Variants in H2AZ2 observed in about 807,000 individuals in gnomAD.
The protein encoded by H2AZ2 is histone H2A.V.
H2AZ2 carries 5 observed loss-of-function variants against 15.5 expected under a neutral mutation model. The observed-to-expected ratio is 0.32, with a 90% CI of 0.17 to 0.68. H2AZ2 has a LOEUF of 0.68. Ranked by LOEUF, H2AZ2 falls within the 30% of genes least tolerant of loss-of-function variation. The pLI is 0.72. For missense variants in H2AZ2, 42 were observed against 162.5 expected (o/e 0.26, Z 4.03); for synonymous variants, 44 against 57.4 (o/e 0.77, Z 1.05).
intron 1 of H2AZ2, among the ~76,000 whole-genome samples, chr7:44,846,220 A>G (rs182795013): frequency 6.6e-6 from 1 of 152,324 alleles, no homozygotes; most frequent in East Asian, 1.9e-4. Context: ...CGACAACTCA[A>G]TGTCTCCTGC....
chr7:44,847,069 G>A (rs1793429639), intron 1 of H2AZ2, among the ~76,000 whole-genome samples: 1 of 152,182 alleles, frequency 6.6e-6, no homozygotes, highest in African/African-American at 2.4e-5. Context: ...TGACAGCTTG[G>A]TGCTAACTTT....
intron 3 of H2AZ2, among the ~76,000 whole-genome samples, chr7:44,837,844 T>G (rs1444760197): frequency 1.2e-4 from 3 of 25,298 alleles, no homozygotes; most frequent in Non-Finnish European, 2.2e-4. Context: ...GGGGGGGGGC[T>G]TAGATAGATG....
In H2AZ2 at chr7:44,840,992, G is replaced by A. The variant is rs751616035; in HGVS notation, c.102C>T (p.His34=). 3 of 1,614,010 alleles carry A rather than the reference G, an allele frequency of 1.9e-6. No homozygotes were observed. Among genetic ancestry groups the A allele is most frequent in the South Asian group, 2.2e-5 (2 of 91,068 alleles). Residue 34 remains histidine, a synonymous_variant, in exon 3 of 5, where the codon CAC becomes CAT. Coordinates refer to ENST00000308153, the MANE Select transcript of H2AZ2 (RefSeq NM_012412.5). ...TTGTGGTGCGAGTCTTCAAGTGTCT[G>A]TGGATGCGGCCCACAGGAAACTAAA... ...AGLQFPVGRI[H]RHLKTRTTSH...
At chr7:44,842,557 C>G (rs1351048038) in intron 2 of H2AZ2, among the ~76,000 whole-genome samples, 1 of 152,176 alleles carries the variant, frequency 6.6e-6, no homozygotes, top group Admixed American at 6.5e-5. Flanking sequence ...CACCTATTTT[C>G]TGCACACACA....
intron 3 of H2AZ2, among the ~76,000 whole-genome samples, chr7:44,837,833 G>C (rs1057170723): frequency 8.9e-5 from 4 of 44,940 alleles, no homozygotes; most frequent in East Asian, 5.6e-4. Context: ...TAAAAAAAAG[G>C]GGGGGGGGGC....
rs748469781 is a variant in H2AZ2, at chr7:44,841,020, A to C, written c.82-8T>G. On this transcript the variant is annotated splice_polypyrimidine_tract_variant and splice_region_variant and intron_variant, in intron 2 of 4. Transcript: ENST00000308153. Reference sequence around the variant, plus strand: ...GATGCGGCCCACAGGAAACTAAAAGAGAGATGTCTTAGTGGGAAGCACTGC... The same window carrying C: ...GATGCGGCCCACAGGAAACTAAAAGCGAGATGTCTTAGTGGGAAGCACTGC... 6 of 1,606,728 alleles carry C rather than the reference A, an allele frequency of 3.7e-6. No individual in the cohort carries two copies. The highest frequency in any genetic ancestry group is 5.1e-6 in the Non-Finnish European group (6 of 1,173,542).
intron 3 of H2AZ2, among the ~76,000 whole-genome samples, chr7:44,836,856 T>A (rs1001670462): frequency 6.7e-6 from 1 of 149,618 alleles, no homozygotes; most frequent in South Asian, 2.2e-4. Flanking sequence ...ATTAGCTGGG[T>A]GTGGTGGCAG....
intron 3 of H2AZ2, among the ~76,000 whole-genome samples, chr7:44,837,181 C>T (rs755117746): frequency 4.1e-4 from 62 of 151,846 alleles, no homozygotes; most frequent in Non-Finnish European, 3.4e-4. Context: ...GGATTACAGA[C>T]GTGAACCACT....
chr7:44,838,498 C>T (rs1330344290), intron 3 of H2AZ2, among the ~76,000 whole-genome samples: 5 of 151,818 alleles, frequency 3.3e-5, no homozygotes, highest in Non-Finnish European at 5.9e-5. Flanking sequence ...AAGAAAATAA[C>T]AAAAATTAGC....
rs1057170723 is a variant in H2AZ2, at chr7:44,837,833, G to T, written c.196-2175C>A. ...AAGTTCCCAAAGATTTAAAAAAAAG[G>T]GGGGGGGGGCTTAGATAGATGGGGC... is the stretch of plus-strand genomic sequence containing the variant. On this transcript the variant is annotated intron_variant, in intron 3 of 4. Coordinates refer to ENST00000308153, the MANE Select transcript of H2AZ2 (RefSeq NM_012412.5). Among the ~76,000 whole-genome samples, 16 of 44,992 alleles carry T rather than the reference G, an allele frequency of 3.6e-4. No homozygotes were observed. The South Asian group carries it at 8.4e-3, about 24-fold the overall frequency. The allele number at this position is 44,992 out of a possible 152,430, so 29.5% of individuals were successfully genotyped here. A position where few individuals can be genotyped will look rare whatever the true frequency, so the allele number is the denominator to read the frequency against.
downstream of H2AZ2, among the ~76,000 whole-genome samples, chr7:44,831,531 C>T (rs889316255): frequency 7.2e-6 from 1 of 138,844 alleles, no homozygotes; most frequent in African/African-American, 2.9e-5. Flanking sequence ...ATATTGCACT[C>T]CCCCCCCCGC....
intron 3 of H2AZ2, among the ~76,000 whole-genome samples, chr7:44,837,973 T>G (rs1250874111): frequency 6.6e-6 from 1 of 151,726 alleles, no homozygotes; most frequent in African/African-American, 2.4e-5. Context: ...TGAAATTTCT[T>G]TTTTTTTCTT....
intron 3 of H2AZ2, among the ~76,000 whole-genome samples, chr7:44,839,505 T>A (rs993424844): frequency 1.3e-5 from 2 of 149,512 alleles, no homozygotes; most frequent in African/African-American, 5.0e-5. Context: ...TGAAACCCCG[T>A]CTCTACTAAA....
rs926933316 is a variant in H2AZ2 at position 44,848,040 on chromosome 7, C to G, written c.-69G>C. ...CGCTGCCGACCCGCGCCGCCGCCGC[C>G]GCTCTCGCAGCACCGACCGCCGCCG... On this transcript the variant is annotated 5_prime_UTR_variant, in exon 1 of 5. Transcript: ENST00000308153. 4 of 1,072,976 alleles carry G rather than the reference C, an allele frequency of 3.7e-6. No homozygotes were observed. Among genetic ancestry groups the G allele is most frequent in the Middle Eastern group, 2.9e-4 (1 of 3,470 alleles). The allele number at this position is 1,072,976 out of a possible 1,614,324, so 66.5% of individuals were successfully genotyped here.
At chr7:44,837,376 T>C (rs1033379466) in intron 3 of H2AZ2, among the ~76,000 whole-genome samples, 1 of 129,938 alleles carries the variant, frequency 7.7e-6, no homozygotes, top group Non-Finnish European at 1.5e-5. Context: ...TGAGCCGAGA[T>C]TGAGCCACTG....
At chr7:44,840,001 C>CAAAA (rs1562787571) in intron 3 of H2AZ2, among the ~76,000 whole-genome samples, 1 of 123,212 alleles carries the variant, frequency 8.1e-6, no homozygotes, top group African/African-American at 3.2e-5. Context: ...GACCCTGTCT[C>CAAAA]AAAATAAATA....
chr7:44,847,829 C>CA, intron 1 of H2AZ2, 140 bp downstream of exon 1: 1 of 1,195,050 alleles, frequency 8.4e-7, no homozygotes, highest in Non-Finnish European at 1.1e-6. Flanking sequence ...TGGCGCCCCC[C>CA]GGCGGGCGGC....
At chr7:44,835,444 C>T (rs41280663) in intron 4 of H2AZ2, 85 bp downstream of exon 4, 132,289 of 1,088,976 alleles carry the variant, frequency 0.12, 9,066 homozygotes, top group Non-Finnish European at 0.14. Context: ...TCTAGTTAAC[C>T]GATCAAATAT....
At chr7:44,830,671 C>T (rs1274881030), downstream of H2AZ2, among the ~76,000 whole-genome samples, 2 of 152,204 alleles carry the variant, frequency 1.3e-5, no homozygotes, top group Admixed American at 1.3e-4. Flanking sequence ...AGGTGTTATA[C>T]TAGTTAGACT....
Sources: allele counts gnomAD v4.1 joint callset (sites outside exome capture counted in the v4.1 genomes callset), GRCh38; gene constraint gnomAD v4.1.1; transcripts MANE v1.5; gene names NCBI Gene and HGNC (gene_info 2026-07-23, HGNC 2026-07-21).